ZNF19: variants seen among roughly 807,000 people sequenced by gnomAD.
The protein encoded by ZNF19 is zinc finger protein 19.
Under a neutral mutation model 13.1 loss-of-function variants are expected in ZNF19, and 11 were observed. The observed-to-expected ratio is 0.84, with a 90% CI of 0.53 to 1.39. The LOEUF (loss-of-function observed/expected upper bound fraction) is 1.39. Ranked by LOEUF, ZNF19 falls within the 40% of genes most tolerant of loss-of-function variation. The probability of loss-of-function intolerance (pLI) is 0.00; values close to 1 mark genes in which losing one functional copy is unlikely to be tolerated. For missense variants in ZNF19, 560 were observed against 547.0 expected (o/e 1.02, Z -0.24); for synonymous variants, 186 against 187.0 (o/e 0.99, Z 0.04).
rs191514411 is a variant in ZNF19, at chr16:71,484,674, A to T, written c.-115T>A. The T allele has an allele frequency of 8.6e-5, 85 of 985,400 alleles. No individual in the cohort carries two copies. Among genetic ancestry groups the T allele is most frequent in the Non-Finnish European group, 3.6e-6 (3 of 829,924 alleles). The allele number at this position is 985,400 out of a possible 1,614,324, so 61.0% of individuals were successfully genotyped here. A position where few individuals can be genotyped will look rare whatever the true frequency, so the allele number is the denominator to read the frequency against. ...CAGGCTCACACGCGTACTCTCTAGG[A>T]TGCCGGAGCGGTCTTCTCAGTGGTT... On this transcript the variant is annotated 5_prime_UTR_variant, in exon 2 of 6. Transcript: ENST00000288177.
At chr16:71,483,740 A>T (rs565323846) in intron 2 of ZNF19, among the ~76,000 whole-genome samples, 1 of 152,318 alleles carries the variant, frequency 6.6e-6, no homozygotes, top group Non-Finnish European at 1.5e-5. Flanking sequence ...TTCAACAAAT[A>T]TTTATCTCAT....
At chr16:71,477,929 C>T (rs868828533) in intron 5 of ZNF19, 4 of 272,620 alleles carry the variant, frequency 1.5e-5, no homozygotes, top group Non-Finnish European at 1.4e-5. Flanking sequence ...TCTTAAACAA[C>T]GTTCAGCACA....
At chr16:71,485,046 C>A (rs9933647) in intron 1 of ZNF19, among the ~76,000 whole-genome samples, 6,853 of 152,230 alleles carry the variant, frequency 0.045, 513 homozygotes, top group African/African-American at 0.15. Flanking sequence ...TTCTAAAAAA[C>A]TGTTTAATTG....
At chr16:71,483,236 A>G (rs1335545780) in intron 2 of ZNF19, among the ~76,000 whole-genome samples, 4 of 152,370 alleles carry the variant, frequency 2.6e-5, no homozygotes, top group Admixed American at 2.0e-4. Flanking sequence ...AGGACCCTGA[A>G]GGGCCAACTC....
At chr16:71,477,908 C>T in intron 5 of ZNF19, 1 of 233,670 alleles carries the variant, frequency 4.3e-6, no homozygotes, top group Non-Finnish European at 8.3e-6. Flanking sequence ...TAACTTGTAC[C>T]TGCCAGAACT....
chr16:71,476,305 C>T, intron 5 of ZNF19, 33 bp from the exon 6 acceptor site: 1 of 1,569,626 alleles, frequency 6.4e-7, no homozygotes, highest in Non-Finnish European at 8.6e-7. Flanking sequence ...CAAATAATGC[C>T]ACCTGAGAAC....
intron 1 of ZNF19, among the ~76,000 whole-genome samples, chr16:71,488,656 G>T (rs930777652): frequency 3.3e-5 from 5 of 151,762 alleles, no homozygotes; most frequent in African/African-American, 1.2e-4. Context: ...AAAATTAGCC[G>T]GGTGTGGTGG....
At chr16:71,478,576 G>C in intron 4 of ZNF19, 3 of 684,394 alleles carry the variant, frequency 4.4e-6, no homozygotes, top group Non-Finnish European at 8.0e-6. Context: ...CAGGGAAGGG[G>C]ACATGCCCTT....
chr16:71,473,658 C>G lies in ZNF19; in HGVS notation c.*1512G>C, dbSNP rs1451415438. On this transcript the variant is annotated 3_prime_UTR_variant, in exon 6 of 6. Coordinates refer to ENST00000288177, the MANE Select transcript of ZNF19 (RefSeq NM_006961.4). ...GGAGTGCAGTGGTGTAATCTCGGCTCACTACAACCTCCGCCTCCCGGGTTC... is the reference window on the plus strand; with the variant it reads ...GGAGTGCAGTGGTGTAATCTCGGCTGACTACAACCTCCGCCTCCCGGGTTC... The G allele has an allele frequency of 2.0e-5, 3 of 152,016 alleles. No homozygotes were observed. The highest frequency in any genetic ancestry group is 6.6e-5 in the Admixed American group (1 of 15,264). The allele number at this position is 152,016 out of a possible 1,614,324, so 9.4% of individuals were successfully genotyped here. A position where few individuals can be genotyped will look rare whatever the true frequency, so the allele number is the denominator to read the frequency against.
chr16:71,489,002 C>T (rs540446000), intron 1 of ZNF19: 1 of 154,182 alleles, frequency 6.5e-6, no homozygotes, highest in African/African-American at 2.4e-5. Context: ...CCTTGCCTCT[C>T]CTGGTGCCCA....
chr16:71,482,844 G>A (rs563097819), intron 2 of ZNF19, among the ~76,000 whole-genome samples: 6 of 152,320 alleles, frequency 3.9e-5, no homozygotes, highest in African/African-American at 1.2e-4. Flanking sequence ...TGGGATTACA[G>A]GCATGTGCCA....
intron 3 of ZNF19, among the ~76,000 whole-genome samples, chr16:71,480,713 G>C (rs1291964841): frequency 6.6e-6 from 1 of 152,184 alleles, no homozygotes; most frequent in Non-Finnish European, 1.5e-5. Flanking sequence ...TGAACCTCTT[G>C]AATGAATCAC....
intron 5 of ZNF19, chr16:71,478,020 A>G (rs986430975): frequency 2.0e-6 from 1 of 512,518 alleles, no homozygotes; most frequent in African/African-American, 1.9e-5. Context: ...GTTGAAACTC[A>G]GAAAGGAACA....
intron 3 of ZNF19, among the ~76,000 whole-genome samples, chr16:71,480,248 T>C (rs1018040920): frequency 6.6e-6 from 1 of 152,126 alleles, no homozygotes; most frequent in African/African-American, 2.4e-5. Flanking sequence ...CACTCCGACC[T>C]TCCAATGCCT....
chr16:71,478,263 T>C lies in ZNF19; in HGVS notation c.239A>G (p.Asp80Gly). ...DMAWGLEAQD[D>G]PPAERTKNVC... Reference sequence around the variant, plus strand: ...GTTTTTGGTCCTCTCTGCTGGGGGATCATCCTGTGCTTCCAGGCCCCAAGC... The same window carrying C: ...GTTTTTGGTCCTCTCTGCTGGGGGACCATCCTGTGCTTCCAGGCCCCAAGC... The change falls in exon 5 of 6, where the codon GAT becomes GGT. Residue 80 changes from aspartate (D) to glycine (G), a missense_variant. Transcript: ENST00000288177. The C allele has an allele frequency of 6.2e-7, 1 of 1,614,102 alleles. No homozygotes were observed. The highest frequency in any genetic ancestry group is 1.1e-5 in the South Asian group (1 of 91,060).
chr16:71,481,619 T>C (rs2043637477), intron 3 of ZNF19, among the ~76,000 whole-genome samples: 2 of 152,208 alleles, frequency 1.3e-5, no homozygotes, highest in Admixed American at 1.3e-4. Context: ...ATATGTTTCC[T>C]GATTCTGAAG....
Position 71,475,749 on chromosome 16 carries a change from G to C in ZNF19, c.798C>G (p.Ile266Met). ...SSSEFVIHQR[I>M]HTGEKPYECN... ...ACTCATAGGGTTTCTCCCCAGTGTG[G>C]ATTCTCTGATGTATAACAAACTCGG... The change falls in exon 6 of 6, where the codon ATC becomes ATG. Residue 266 changes from isoleucine (I) to methionine (M), a missense_variant. By Grantham distance (10) the Ile-to-Met change is conservative (BLOSUM62 1). Coordinates refer to ENST00000288177, the MANE Select transcript of ZNF19 (RefSeq NM_006961.4). The C allele has an allele frequency of 6.2e-7, 1 of 1,613,102 alleles. No individual in the cohort carries two copies. Among genetic ancestry groups the C allele is most frequent in the Non-Finnish European group, 8.5e-7 (1 of 1,179,202 alleles).
At chr16:71,488,285 G>A (rs1319694091) in intron 1 of ZNF19, among the ~76,000 whole-genome samples, 1 of 151,572 alleles carries the variant, frequency 6.6e-6, no homozygotes, top group Non-Finnish European at 1.5e-5. Flanking sequence ...GCTTGAACCC[G>A]GGAGGTGGAG....
chr16:71,475,890 A>T lies in ZNF19; in HGVS notation c.657T>A (p.Cys219Ter). 6.2e-7 allele frequency: 1 copy of T among 1,613,352 alleles called. No individual in the cohort carries two copies. Among genetic ancestry groups the T allele is most frequent in the Non-Finnish European group, 8.5e-7 (1 of 1,179,504 alleles). Residue 219 changes from cysteine (C) to a stop codon, truncating the protein, a stop_gained, in exon 6 of 6, where the codon TGT (cysteine) becomes TGA (stop). Coordinates refer to ENST00000288177, the MANE Select transcript of ZNF19 (RefSeq NM_006961.4). LOFTEE classifies it low-confidence loss of function (END_TRUNC). ...RIHTGERPYQ[C>*]EECGRAFNDN... is the part of the protein sequence containing the mutation. ...CATTAAAGGCTCGCCCACACTCCTCACACTGATAGGGTCTCTCTCCAGTGT... is the reference window on the plus strand; with the variant it reads ...CATTAAAGGCTCGCCCACACTCCTCTCACTGATAGGGTCTCTCTCCAGTGT...
Sources: allele counts gnomAD v4.1 joint callset (sites outside exome capture counted in the v4.1 genomes callset), GRCh38; gene constraint gnomAD v4.1.1; transcripts MANE v1.5; gene names NCBI Gene and HGNC (gene_info 2026-07-23, HGNC 2026-07-21).